CDHR2: variants seen among roughly 807,000 people sequenced by gnomAD.
The protein encoded by CDHR2 is cadherin related family member 2.
Under a neutral mutation model 138.6 loss-of-function variants are expected in CDHR2, and 104 were observed. The ratio of observed to expected loss-of-function variants is 0.75; its 90% confidence interval spans 0.64 to 0.88. The LOEUF (loss-of-function observed/expected upper bound fraction) is 0.88, where lower values mean the gene tolerates loss of function less well. CDHR2 is among the 40% of genes least tolerant of loss of function. The probability of loss-of-function intolerance (pLI) is 0.00; values close to 1 mark genes in which losing one functional copy is unlikely to be tolerated. For synonymous variants in CDHR2, 755 were observed against 742.8 expected (o/e 1.02, Z -0.27); for missense variants, 1,624 against 1,727.6 (o/e 0.94, Z 1.06).
Position 176,592,390 on chromosome 5 carries a change from A to G in CDHR2, c.3735-333A>G, listed in dbSNP as rs796841774. The stretch of plus-strand genomic sequence containing the variant: ...GATGGTGGTGGTGATGGTTATGATG[A>G]TGATGGTGGTGGTGGTGTTGGTGTT... On this transcript the variant is annotated intron_variant, in intron 30 of 31. Coordinates refer to ENST00000261944, the MANE Select transcript of CDHR2 (RefSeq NM_017675.6). Among the ~76,000 whole-genome samples the G allele has an allele frequency of 3.9e-4, 47 of 119,706 alleles. No homozygotes were observed. The South Asian group carries it at 4.8e-3, about 12-fold the overall frequency. 78.5% of individuals were successfully genotyped at this position (119,706 alleles called of 152,430 possible). A position where few individuals can be genotyped will look rare whatever the true frequency, so the allele number is the denominator to read the frequency against.
At position 176,595,583 on chromosome 5, in the gene CDHR2, G is replaced by A. The variant is rs34418000; in HGVS notation, c.3844G>A (p.Val1282Met). ...PPEPDPEPLS[V>M]VLLGRQAGAS... ...AGAGCCAGATCCAGAGCCCCTGAGC[G>A]TGGTCCTGTTAGGACGGCAGGCAGG... The change falls in exon 32 of 32, where the codon GTG becomes ATG. Residue 1282 changes from valine to methionine, a missense_variant. Physicochemically the swap from Val to Met is conservative, Grantham distance 21 (BLOSUM62 1). Coordinates refer to ENST00000261944, the MANE Select transcript of CDHR2 (RefSeq NM_017675.6). 2.4e-3 allele frequency: 3,830 copies of A among 1,612,850 alleles called. 74 individuals are homozygous for A. The African/African-American group carries it at 0.045, about 19-fold the overall frequency.
chr5:176,555,220 G>C (rs1164080111), intron 1 of CDHR2, among the ~76,000 whole-genome samples: 1 of 152,190 alleles, frequency 6.6e-6, no homozygotes, highest in Non-Finnish European at 1.5e-5. Flanking sequence ...GGATGAGTAG[G>C]TCAACAGGGC....
intron 17 of CDHR2, among the ~76,000 whole-genome samples, chr5:176,583,148 T>C (rs1483903103): frequency 6.6e-6 from 1 of 152,156 alleles, no homozygotes; most frequent in African/African-American, 2.4e-5. Context: ...ATTTCCTGAG[T>C]GAACAGGTTT....
chr5:176,574,956 C>T, intron 7 of CDHR2, 128 bp from the exon 8 acceptor site: 1 of 1,106,582 alleles, frequency 9.0e-7, no homozygotes, highest in Non-Finnish European at 1.3e-6. Flanking sequence ...TCAGAGAGGT[C>T]ATATGACCTG....
rs1013870255 is a variant in CDHR2, at chr5:176,578,471, A to G, written c.1681A>G (p.Thr561Ala). ...CGTGTACTACCTGACGCTGCAGGCC[A>G]CAGACGGCGGGAACCTGTCCTCCTC... is the stretch of plus-strand genomic sequence containing the variant. ...QAVYYLTLQA[T>A]DGGNLSSSTT... Residue 561 changes from threonine (T) to alanine (A), a missense_variant, in exon 16 of 32, where the codon ACA (threonine) becomes GCA (alanine). Physicochemically the swap from Thr to Ala is moderately conservative, Grantham distance 58 (BLOSUM62 0). This residue lies in a region of CDHR2 where 1,061 missense variants were observed against 1,136.6 expected (regional missense o/e 0.93). Transcript: ENST00000261944. 2.5e-6 allele frequency: 4 copies of G among 1,613,940 alleles called. No individual in the cohort carries two copies. In the East Asian group the frequency reaches 8.9e-5, roughly 36 times the overall value.
chr5:176,548,558 G>T (rs1292241089), upstream of CDHR2, among the ~76,000 whole-genome samples: 1 of 152,100 alleles, frequency 6.6e-6, no homozygotes, highest in East Asian at 1.9e-4. Context: ...TGGCCAACAT[G>T]GTGAAACCCT....
intron 30 of CDHR2, among the ~76,000 whole-genome samples, chr5:176,592,183 T>A (rs1581152870): frequency 6.8e-6 from 1 of 146,586 alleles, no homozygotes; most frequent in Non-Finnish European, 1.5e-5. Context: ...GGTGTTGGTG[T>A]TGAGGTGATG....
At chr5:176,583,156 T>G (rs1164410871) in intron 17 of CDHR2, among the ~76,000 whole-genome samples, 1 of 152,126 alleles carries the variant, frequency 6.6e-6, no homozygotes, top group Non-Finnish European at 1.5e-5. Context: ...AGTGAACAGG[T>G]TTCTTCACCC....
intron 5 of CDHR2, among the ~76,000 whole-genome samples, chr5:176,569,733 C>A (rs1045721098): frequency 6.6e-6 from 1 of 152,066 alleles, no homozygotes; most frequent in African/African-American, 2.4e-5. Context: ...CCGAGGTGGG[C>A]AGATCACCTG....
chr5:176,579,089 G>A (rs1047954452), intron 16 of CDHR2, among the ~76,000 whole-genome samples: 6 of 152,184 alleles, frequency 3.9e-5, no homozygotes, highest in Admixed American at 3.3e-4. Flanking sequence ...GAGATCAGTG[G>A]CCAGGTTCAC....
intron 1 of CDHR2, among the ~76,000 whole-genome samples, chr5:176,549,797 G>A (rs539075058): frequency 6.6e-6 from 1 of 152,290 alleles, no homozygotes; most frequent in African/African-American, 2.4e-5. Flanking sequence ...CCAGCTGCTC[G>A]GTTCACATCC....
At chr5:176,567,160 G>A (rs959779077) in intron 3 of CDHR2, 9 of 342,132 alleles carry the variant, frequency 2.6e-5, no homozygotes, top group African/African-American at 1.9e-4. Flanking sequence ...GGAGAGGGAG[G>A]AGTGCACAGG....
chr5:176,585,848 G>C lies in CDHR2; in HGVS notation c.2735-106G>C. The stretch of plus-strand genomic sequence containing the variant: ...GGTTGAGGCTGCGGGGCACGGGGTT[G>C]AGGCTGCGGGGCATGGGGTTGAGGC... On this transcript the variant is annotated intron_variant, in intron 19 of 31. Transcript: ENST00000261944. 3.4e-6 allele frequency: 3 copies of C among 872,488 alleles called. No individual in the cohort carries two copies. The South Asian group carries it at 4.3e-5, about 12-fold the overall frequency. 54.0% of individuals were successfully genotyped at this position (872,488 alleles called of 1,614,324 possible).
At chr5:176,590,885 A>T (rs928094506) in intron 28 of CDHR2, among the ~76,000 whole-genome samples, 198 bp downstream of exon 28, 1 of 152,132 alleles carries the variant, frequency 6.6e-6, no homozygotes, top group Non-Finnish European at 1.5e-5. Flanking sequence ...AGGGCATGAG[A>T]CTTGATTCCT....
chr5:176,558,220 T>A (rs1313967035), intron 1 of CDHR2, among the ~76,000 whole-genome samples: 163 of 147,850 alleles, frequency 1.1e-3, no homozygotes, highest in African/African-American at 2.7e-3. Flanking sequence ...TCTTATTTTT[T>A]TTTTTTTTTT....
rs1198922594 is a variant in CDHR2 at position 176,553,852 on chromosome 5, C to G, written c.-16+4438C>G. Among the ~76,000 whole-genome samples, 1 of 152,188 alleles carries G rather than the reference C, an allele frequency of 6.6e-6. No individual in the cohort carries two copies. The highest frequency in any genetic ancestry group is 1.5e-5 in the Non-Finnish European group (1 of 68,040). The stretch of plus-strand genomic sequence containing the variant: ...ACCACCACCAGTGCCACCCCTACCC[C>G]CGAGGGATCCCTATCCTGATATTGG... On this transcript the variant is annotated intron_variant, in intron 1 of 31. Transcript: ENST00000261944. This position sits in a 1 kb window ranked among gnomAD's most constrained non-coding sequence, Gnocchi z 4.3.
At chr5:176,555,672 C>T (rs575822498) in intron 1 of CDHR2, among the ~76,000 whole-genome samples, 3 of 152,168 alleles carry the variant, frequency 2.0e-5, no homozygotes, top group East Asian at 1.9e-4. Context: ...TTTGGGAGGC[C>T]GAGGTGGGTG....
rs1758059005 is a variant in CDHR2 at position 176,565,537 on chromosome 5, G to T, written c.52+133G>T. ...CAGCCCTGTGCTTGGCTAAGCTGGGGAGGCCTGGGGAGGAATCCAGGCCTG... is the reference window on the plus strand; with the variant it reads ...CAGCCCTGTGCTTGGCTAAGCTGGGTAGGCCTGGGGAGGAATCCAGGCCTG... On this transcript the variant is annotated intron_variant, in intron 2 of 31. Coordinates refer to ENST00000261944, the MANE Select transcript of CDHR2 (RefSeq NM_017675.6). 5.0e-6 allele frequency: 6 copies of T among 1,205,848 alleles called. No homozygotes were observed. The Admixed American group carries it at 1.2e-4, about 23-fold the overall frequency. 74.7% of individuals were successfully genotyped at this position (1,205,848 alleles called of 1,614,324 possible). A position where few individuals can be genotyped will look rare whatever the true frequency, so the allele number is the denominator to read the frequency against.
intron 21 of CDHR2, among the ~76,000 whole-genome samples, chr5:176,587,377 G>C (rs990423412): frequency 6.6e-6 from 1 of 152,202 alleles, no homozygotes; most frequent in Non-Finnish European, 1.5e-5. Context: ...GAACTCGAGA[G>C]GCGGAGGTTG....
Sources: allele counts gnomAD v4.1 joint callset (sites outside exome capture counted in the v4.1 genomes callset), GRCh38; gene constraint gnomAD v4.1.1; regional missense constraint gnomAD v4.1.1; non-coding constraint Gnocchi (gnomAD v3.1); transcripts MANE v1.5; gene names NCBI Gene and HGNC (gene_info 2026-07-23, HGNC 2026-07-21).